Variants in RBFOX1 observed in about 807,000 individuals in gnomAD.
RBFOX1 encodes the protein RNA binding protein fox-1 homolog 1.
In RBFOX1, 8 loss-of-function variants were observed where a neutral mutation model predicts 57.7. The ratio of observed to expected loss-of-function variants is 0.14; its 90% CI spans 0.08 to 0.25. The LOEUF (loss-of-function observed/expected upper bound fraction) is 0.25, where lower values mean the gene tolerates loss of function less well. Among genes scored for constraint, RBFOX1 ranks in the 10% least tolerant of loss-of-function variants. RBFOX1 has a pLI of 1.00. For missense variants in RBFOX1, 611 were observed against 548.5 expected (o/e 1.11, Z -1.14); for synonymous variants, 326 against 222.4 (o/e 1.47, Z -4.15).
At chr16:5,409,681 A>G (rs978623336) in intron 1 of RBFOX1, among the ~76,000 whole-genome samples, 7 of 151,950 alleles carry the variant, frequency 4.6e-5, no homozygotes, top group Admixed American at 3.9e-4. Flanking sequence ...CAGCCAGAGG[A>G]GAGAGAGAGA....
At chr16:6,834,369 G>A (rs577504511) in intron 3 of RBFOX1, among the ~76,000 whole-genome samples, 10 of 152,054 alleles carry the variant, frequency 6.6e-5, no homozygotes, top group Non-Finnish European at 1.0e-4. Flanking sequence ...GAGGCACCAC[G>A]CCTGGCCCTG....
chr16:7,628,045 A>G (rs2060351305), intron 10 of RBFOX1, among the ~76,000 whole-genome samples: 2 of 152,128 alleles, frequency 1.3e-5, no homozygotes, highest in African/African-American at 4.8e-5. Flanking sequence ...TTCCAGGCAA[A>G]AATCTGTGCT....
chr16:6,570,995 A>C (rs975303672), intron 2 of RBFOX1, among the ~76,000 whole-genome samples: 6 of 152,064 alleles, frequency 3.9e-5, no homozygotes, highest in Non-Finnish European at 8.8e-5. Flanking sequence ...TTGTTTACTA[A>C]ATATAGACTC....
rs756951700 is a variant in RBFOX1 at position 6,612,863 on chromosome 16, A to AT, written c.-63-41740_-63-41739insT. 7.4e-3 allele frequency among the ~76,000 whole-genome samples: 984 copies of AT among 132,230 alleles called. 5 individuals carry two copies. Among genetic ancestry groups the AT allele is most frequent in the African/African-American group, 0.015 (505 of 34,474 alleles). 86.7% of individuals were successfully genotyped at this position (132,230 alleles called of 152,430 possible). On this transcript the variant is annotated intron_variant, in intron 2 of 15. Transcript: ENST00000550418. ...AGACTCTCTCTCAAAAAAAAAAAAA[A>AT]AATAATAATAATAATATTTGTTTGT...
intron 1 of RBFOX1, among the ~76,000 whole-genome samples, chr16:5,308,827 C>G (rs1210677271): frequency 1.3e-5 from 2 of 151,898 alleles, no homozygotes; most frequent in Non-Finnish European, 2.9e-5. Context: ...CTGGAGATCT[C>G]TCTCGCAGAT....
At chr16:7,593,559 G>T (rs1180982713) in intron 7 of RBFOX1, among the ~76,000 whole-genome samples, 1 of 152,180 alleles carries the variant, frequency 6.6e-6, no homozygotes, top group Admixed American at 6.5e-5. Context: ...AAAGATTATG[G>T]AAGGTAATTT....
chr16:6,269,951 A>G (rs2075002669), intron 1 of RBFOX1, among the ~76,000 whole-genome samples: 3 of 152,172 alleles, frequency 2.0e-5, no homozygotes. Flanking sequence ...AAATGGGGAG[A>G]GGAAGGGAAC....
At chr16:6,891,292 T>TGGCA (rs888094573) in intron 3 of RBFOX1, among the ~76,000 whole-genome samples, 7 of 152,338 alleles carry the variant, frequency 4.6e-5, no homozygotes, top group African/African-American at 1.7e-4. Flanking sequence ...CTTAGCAAGG[T>TGGCA]GGCAGTATTA....
chr16:7,537,827 T>A (rs1383400656), intron 5 of RBFOX1, among the ~76,000 whole-genome samples: 1 of 152,236 alleles, frequency 6.6e-6, no homozygotes, highest in Non-Finnish European at 1.5e-5. Context: ...TTGAAAATTA[T>A]GCATTGGAAA....
At chr16:6,116,655 G>T (rs56069214) in intron 1 of RBFOX1, among the ~76,000 whole-genome samples, 1 of 152,138 alleles carries the variant, frequency 6.6e-6, no homozygotes, top group African/African-American at 2.4e-5. Context: ...GAGTGCCCAG[G>T]GTTTCCTGTT....
At chr16:6,656,302 A>G (rs1023417683) in intron 3 of RBFOX1, among the ~76,000 whole-genome samples, 1 of 152,140 alleles carries the variant, frequency 6.6e-6, no homozygotes, top group Non-Finnish European at 1.5e-5. Flanking sequence ...TTTGTCCGGT[A>G]TCTTTTTTAA....
At chr16:5,874,420 G>A (rs867925873) in intron 4 of RBFOX1, among the ~76,000 whole-genome samples, 7 of 152,178 alleles carry the variant, frequency 4.6e-5, no homozygotes, top group African/African-American at 9.7e-5. Context: ...AAGGTGATCC[G>A]AGTGTTCTTG....
chr16:5,249,409 T>G (rs112806949), intron 1 of RBFOX1, among the ~76,000 whole-genome samples: 1,629 of 152,328 alleles, frequency 0.011, 30 homozygotes, highest in African/African-American at 0.037. Context: ...ACTCTGTGGC[T>G]TGAAAGCCTG....
At chr16:6,863,635 C>T (rs1177593799) in intron 3 of RBFOX1, among the ~76,000 whole-genome samples, 1 of 119,110 alleles carries the variant, frequency 8.4e-6, no homozygotes, top group African/African-American at 3.3e-5. Flanking sequence ...GAGAGAATGG[C>T]ATCAAAATAC....
In RBFOX1 at chr16:6,803,673, C is replaced by G. The variant is rs145825040; in HGVS notation, c.-16+149023C>G. The stretch of plus-strand genomic sequence containing the variant: ...TCACCATTAATAATTTCTCCCTGAA[C>G]AAATATGCAGATATTTTACCAGACA... On this transcript the variant is annotated intron_variant, in intron 3 of 15. Coordinates refer to ENST00000550418, the MANE Select transcript of RBFOX1 (RefSeq NM_018723.4). Among the ~76,000 whole-genome samples the G allele has an allele frequency of 7.5e-3, 1,135 of 152,274 alleles. 17 individuals are homozygous for G. The highest frequency in any genetic ancestry group is 0.024 in the African/African-American group (1,011 of 41,554).
intron 4 of RBFOX1, among the ~76,000 whole-genome samples, chr16:5,956,659 TATATATATATA>T (rs2059645635): frequency 7.0e-5 from 5 of 71,796 alleles, no homozygotes; most frequent in African/African-American, 1.1e-4. Context: ...TATATATATT[TATATATATATA>T]TATATATATT....
chr16:7,449,090 C>T (rs1035023846), intron 4 of RBFOX1, among the ~76,000 whole-genome samples: 11 of 151,926 alleles, frequency 7.2e-5, no homozygotes, highest in South Asian at 6.2e-4. Flanking sequence ...CCAGCATGCC[C>T]GGCTAACTTT....
intron 3 of RBFOX1, among the ~76,000 whole-genome samples, chr16:5,671,454 A>G (rs1423084555): frequency 6.6e-6 from 1 of 152,156 alleles, no homozygotes; most frequent in East Asian, 1.9e-4. Context: ...TATTTTCTTT[A>G]ATGTCTGTTT....
chr16:7,607,164 C>A, intron 9 of RBFOX1, 121 bp from the exon 10 acceptor site: 1 of 840,698 alleles, frequency 1.2e-6, no homozygotes, highest in South Asian at 2.1e-5. Context: ...CAAACGACAC[C>A]TCCTTTACAT....
Sources: gnomAD v4.1 joint callset for allele counts (sites outside exome capture counted in the v4.1 genomes callset) on GRCh38, gnomAD v4.1.1 for gene constraint, MANE v1.5 for transcripts, NCBI Gene and HGNC (gene_info 2026-07-23, HGNC 2026-07-21) for gene names.